ZNF526: variants seen among roughly 807,000 people sequenced by gnomAD.
ZNF526 encodes zinc finger protein 526.
In ZNF526, 16 loss-of-function variants were observed where a neutral mutation model predicts 32.4. That is an observed-to-expected ratio of 0.49 (90% confidence interval 0.33 to 0.75). The LOEUF (loss-of-function observed/expected upper bound fraction) is 0.75, where lower values mean the gene tolerates loss of function less well. Ranked by LOEUF, ZNF526 falls within the 30% of genes least tolerant of loss-of-function variation. ZNF526 has a pLI of 0.02. For missense variants in ZNF526, 838 were observed against 920.7 expected (o/e 0.91, Z 1.16); for synonymous variants, 355 against 363.4 (o/e 0.98, Z 0.26).
intron 1 of ZNF526, among the ~76,000 whole-genome samples, chr19:42,221,948 GCCA>G (rs2036128582): frequency 6.6e-6 from 1 of 152,120 alleles, no homozygotes. Flanking sequence ...GCAGATGTGA[GCCA>G]CCACACCTGG....
rs774110727 is a variant in ZNF526 at position 42,224,814 on chromosome 19, G to C, written c.411G>C (p.Gln137His). The C allele has an allele frequency of 9.9e-6, 16 of 1,613,936 alleles. No homozygotes were observed. The Admixed American group carries it at 2.7e-4, about 27-fold the overall frequency. ...CCCACCTCCGAGAGTCTGCAAACCA[G>C]ATCCAATACCAGTGCTGGGACTGCC... ...QDAHLRESANQIQYQCWDCQE... is the reference protein window; with the variant it reads ...QDAHLRESANHIQYQCWDCQE... Residue 137 changes from glutamine to histidine, a missense_variant, in exon 3 of 3, where the codon CAG becomes CAC. By Grantham distance (24) the Gln-to-His change is conservative. Coordinates refer to ENST00000301215, the MANE Select transcript of ZNF526 (RefSeq NM_133444.3).
In ZNF526 at chr19:42,226,415, G is replaced by A; in HGVS notation, c.2012G>A (p.Ter671=). ...GLLQLDTAFV[*] ...TTGCAGTTGGACACGGCCTTCGTGT[G>A]ACGCAGCTGAAAAGCAACAACAAAA... Residue 671 remains the stop codon, a stop_retained_variant, in exon 3 of 3, where the codon TGA becomes TAA. Coordinates refer to ENST00000301215, the MANE Select transcript of ZNF526 (RefSeq NM_133444.3). 33 of 1,614,216 alleles carry A rather than the reference G, an allele frequency of 2.0e-5. No homozygotes were observed. The highest frequency in any genetic ancestry group is 2.7e-5 in the Non-Finnish European group (32 of 1,180,046).
chr19:42,224,668 C>G lies in ZNF526; in HGVS notation c.265C>G (p.Leu89Val). Residue 89 changes from leucine to valine, a missense_variant, in exon 3 of 3, where the codon CTG (leucine) becomes GTG (valine). Coordinates refer to ENST00000301215, the MANE Select transcript of ZNF526 (RefSeq NM_133444.3). ...HMLAVSEEEA[L>V]TTQNVGLEPE... ...GCTTGCTGTCTCAGAGGAGGAGGCA[C>G]TGACCACACAGAATGTTGGCCTGGA... The G allele has an allele frequency of 6.2e-7, 1 of 1,614,188 alleles. No homozygotes were observed. Among genetic ancestry groups the G allele is most frequent in the Non-Finnish European group, 8.5e-7 (1 of 1,180,028 alleles).
At chr19:42,224,330 A>G in intron 2 of ZNF526, 25 bp downstream of exon 2, 1 of 1,326,628 alleles carries the variant, frequency 7.5e-7, no homozygotes, top group Admixed American at 1.7e-5. Flanking sequence ...GTGCAAGAGA[A>G]TTCCACCTCC....
chr19:42,226,647 G>C lies in ZNF526; in HGVS notation c.*231G>C. 1 of 658,948 alleles carries C rather than the reference G, an allele frequency of 1.5e-6. No individual in the cohort carries two copies. The highest frequency in any genetic ancestry group is 2.9e-5 in the East Asian group (1 of 35,072). 40.8% of individuals were successfully genotyped at this position (658,948 alleles called of 1,614,324 possible). On this transcript the variant is annotated 3_prime_UTR_variant, in exon 3 of 3. Transcript: ENST00000301215. ...CTGAAATGCGATGTGATCTGTACCAGGTCACCCAGCTATGCTGCAAAGTGG... is the reference window on the plus strand; with the variant it reads ...CTGAAATGCGATGTGATCTGTACCACGTCACCCAGCTATGCTGCAAAGTGG...
Position 42,226,460 on chromosome 19 carries a change from AGT to A in ZNF526, c.*48_*49del, listed in dbSNP as rs1303054643. 3 of 1,613,684 alleles carry A rather than the reference AGT, an allele frequency of 1.9e-6. No homozygotes were observed. Among genetic ancestry groups the A allele is most frequent in the African/African-American group, 1.3e-5 (1 of 75,062 alleles). On this transcript the variant is annotated 3_prime_UTR_variant, in exon 3 of 3. Transcript: ENST00000301215. Reference sequence around the variant, plus strand: ...ACAAAAGGGTTTGGTTGCAACAGCCAGTGTGGGTACCTCTGGGGAGAGAGGAC... The same window carrying A: ...ACAAAAGGGTTTGGTTGCAACAGCCAGTGGGTACCTCTGGGGAGAGAGGAC...
Position 42,226,466 on chromosome 19 carries a change from G to T in ZNF526, c.*50G>T. On this transcript the variant is annotated 3_prime_UTR_variant, in exon 3 of 3. Coordinates refer to ENST00000301215, the MANE Select transcript of ZNF526 (RefSeq NM_133444.3). ...GGGTTTGGTTGCAACAGCCAGTGTGGGTACCTCTGGGGAGAGAGGACCTCC... is the reference window on the plus strand; with the variant it reads ...GGGTTTGGTTGCAACAGCCAGTGTGTGTACCTCTGGGGAGAGAGGACCTCC... 6.2e-7 allele frequency: 1 copy of T among 1,612,862 alleles called. No homozygotes were observed. Among genetic ancestry groups the T allele is most frequent in the East Asian group, 2.2e-5 (1 of 44,880 alleles).
At position 42,225,620 on chromosome 19, in the gene ZNF526, G is replaced by A. The variant is rs1356476546; in HGVS notation, c.1217G>A (p.Arg406Gln). 7 of 1,611,750 alleles carry A rather than the reference G, an allele frequency of 4.3e-6. No homozygotes were observed. The highest frequency in any genetic ancestry group is 2.2e-5 in the South Asian group (2 of 90,988). Residue 406 changes from arginine (R) to glutamine (Q), a missense_variant, in exon 3 of 3, where the codon CGG (arginine) becomes CAG (glutamine). By Grantham distance (43) the Arg-to-Gln change is conservative (BLOSUM62 1). Transcript: ENST00000301215. Reference protein sequence around the residue: ...FSNMTKFLYHRRTHAGKSGAP... With the variant: ...FSNMTKFLYHQRTHAGKSGAP... Reference sequence around the variant, plus strand: ...AACATGACCAAGTTCCTCTACCACCGGCGCACTCACGCCGGCAAAAGCGGG... The same window carrying A: ...AACATGACCAAGTTCCTCTACCACCAGCGCACTCACGCCGGCAAAAGCGGG...
At chr19:42,221,380 C>A (rs2036121331) in intron 1 of ZNF526, among the ~76,000 whole-genome samples, 2 of 151,984 alleles carry the variant, frequency 1.3e-5, no homozygotes, top group African/African-American at 2.4e-5. Flanking sequence ...CACCTGTAAT[C>A]CCAGCACTTT....
Position 42,224,544 on chromosome 19 carries a change from C to T in ZNF526, c.141C>T (p.Ala47=), listed in dbSNP as rs1278395438. The change falls in exon 3 of 3, where the codon GCC becomes GCT. Residue 47 remains alanine (A), a synonymous_variant. Coordinates refer to ENST00000301215, the MANE Select transcript of ZNF526 (RefSeq NM_133444.3). The part of the protein sequence containing the change: ...VTEMTPGEAL[A]SSLFFQHHQF... The stretch of plus-strand genomic sequence containing the variant: ...AGATGACACCTGGGGAGGCCCTTGC[C>T]TCATCCCTCTTCTTCCAGCATCACC... 2.5e-6 allele frequency: 4 copies of T among 1,614,230 alleles called. No homozygotes were observed. The highest frequency in any genetic ancestry group is 3.4e-6 in the Non-Finnish European group (4 of 1,180,032).
Position 42,225,176 on chromosome 19 carries a change from G to T in ZNF526, c.773G>T (p.Gly258Val), listed in dbSNP as rs1346993653. 4.3e-6 allele frequency: 7 copies of T among 1,614,236 alleles called. No homozygotes were observed. The highest frequency in any genetic ancestry group is 5.9e-6 in the Non-Finnish European group (7 of 1,180,034). ...GATGAGGAGGCCATGGCAGAGGTCG[G>T]TGATGATGCTGTGGGAGGTGACGAG... ...MEDEEAMAEV[G>V]DDAVGGDEST... is the part of the protein sequence containing the mutation. Residue 258 changes from glycine to valine, a missense_variant, in exon 3 of 3, where the codon GGT becomes GTT. Transcript: ENST00000301215.
Position 42,225,391 on chromosome 19 carries a change from G to A in ZNF526, c.988G>A (p.Gly330Ser), listed in dbSNP as rs753331480. 5.6e-6 allele frequency: 9 copies of A among 1,613,996 alleles called. No homozygotes were observed. Among genetic ancestry groups the A allele is most frequent in the Non-Finnish European group, 7.6e-6 (9 of 1,180,032 alleles). ...LQAHGRAHVG[G>S]THECTTCSKV... is the part of the protein sequence containing the mutation. ...GGCTCATGGGCGGGCCCATGTTGGT[G>A]GCACACATGAGTGTACAACCTGCTC... The change falls in exon 3 of 3, where the codon GGC (glycine) becomes AGC (serine). Residue 330 changes from glycine (G) to serine (S), a missense_variant. Physicochemically the swap from Gly to Ser is moderately conservative, Grantham distance 56 (BLOSUM62 0). Coordinates refer to ENST00000301215, the MANE Select transcript of ZNF526 (RefSeq NM_133444.3).
Position 42,224,892 on chromosome 19 carries a change from C to T in ZNF526, c.489C>T (p.His163=). 1 of 1,614,194 alleles carries T rather than the reference C, an allele frequency of 6.2e-7. No individual in the cohort carries two copies. Among genetic ancestry groups the T allele is most frequent in the African/African-American group, 1.3e-5 (1 of 75,048 alleles). Residue 163 remains histidine (H), a synonymous_variant, in exon 3 of 3, where the codon CAC becomes CAT. Transcript: ENST00000301215. ...ELWVAHRKAQ[H]LSATVAEPPV... ...GGGTGGCTCATCGAAAGGCCCAGCA[C>T]CTTTCTGCTACGGTAGCTGAGCCAC...
Position 42,226,076 on chromosome 19 carries a change from G to T in ZNF526, c.1673G>T (p.Arg558Leu). Residue 558 changes from arginine (R) to leucine (L), a missense_variant, in exon 3 of 3, where the codon CGC (arginine) becomes CTC (leucine). Arg to Leu is a moderately radical substitution (Grantham distance 102). Coordinates refer to ENST00000301215, the MANE Select transcript of ZNF526 (RefSeq NM_133444.3). ...RLHLRPVAFA[R>L]APRLPITGLY... ...CACTTGCGGCCAGTCGCCTTTGCCC[G>T]CGCCCCCCGCCTCCCCATCACTGGT... The T allele has an allele frequency of 6.2e-7, 1 of 1,607,120 alleles. No homozygotes were observed. The highest frequency in any genetic ancestry group is 8.5e-7 in the Non-Finnish European group (1 of 1,179,998).
intron 1 of ZNF526, among the ~76,000 whole-genome samples, chr19:42,222,156 A>G: frequency 6.7e-6 from 1 of 148,982 alleles, no homozygotes; most frequent in East Asian, 2.0e-4. Flanking sequence ...GCGCAATCTC[A>G]GCTCACTGCA....
At position 42,227,234 on chromosome 19, in the gene ZNF526, TC is replaced by T. The variant is rs2036189805; in HGVS notation, c.*820del. ...GGTGGGAGATCAGGAGTTAAGGACT[TC>T]CTAGAGAAGGTAGTCCCTGAAGGAA... is the stretch of plus-strand genomic sequence containing the variant. On this transcript the variant is annotated 3_prime_UTR_variant, in exon 3 of 3. Transcript: ENST00000301215. 2 of 167,202 alleles carry T rather than the reference TC, an allele frequency of 1.2e-5. No homozygotes were observed. The highest frequency in any genetic ancestry group is 4.8e-5 in the African/African-American group (2 of 41,428). The allele number at this position is 167,202 out of a possible 1,614,324, so 10.4% of individuals were successfully genotyped here. A position where few individuals can be genotyped will look rare whatever the true frequency, so the allele number is the denominator to read the frequency against.
At position 42,226,192 on chromosome 19, in the gene ZNF526, C is replaced by G; in HGVS notation, c.1789C>G (p.Arg597Gly). 1.2e-6 allele frequency: 2 copies of G among 1,609,628 alleles called. No individual in the cohort carries two copies. The highest frequency in any genetic ancestry group is 1.7e-6 in the Non-Finnish European group (2 of 1,180,020). The change falls in exon 3 of 3, where the codon CGA becomes GGA. Residue 597 changes from arginine (R) to glycine (G), a missense_variant. Arg to Gly is a moderately radical substitution (Grantham distance 125). Transcript: ENST00000301215. ...GLRLHQRVHA[R>G]ARTLTLQPPR... ...GCGACTGCATCAGCGGGTCCATGCCCGAGCTCGGACTTTGACGCTACAGCC... is the reference window on the plus strand; with the variant it reads ...GCGACTGCATCAGCGGGTCCATGCCGGAGCTCGGACTTTGACGCTACAGCC...
At position 42,225,705 on chromosome 19, in the gene ZNF526, A is replaced by ACCCCCCTCC; in HGVS notation, c.1307_1308insCTCCCCCCC (p.Pro436_Ala437insSerProPro). ...CAGCGGAGCCCACCCCTCCACCACC[A>ACCCCCCTCC]CCCCCTGCCCCACCTGCCCAGCTGC... is the stretch of plus-strand genomic sequence containing the variant. On this transcript the variant is annotated inframe_insertion, in exon 3 of 3. Transcript: ENST00000301215. 1.9e-6 allele frequency: 1 copy of ACCCCCCTCC among 514,710 alleles called. No homozygotes were observed. Among genetic ancestry groups the ACCCCCCTCC allele is most frequent in the Admixed American group, 2.8e-5 (1 of 35,552 alleles). 31.9% of individuals were successfully genotyped at this position (514,710 alleles called of 1,614,324 possible).
Position 42,226,590 on chromosome 19 carries a change from C to A in ZNF526, c.*174C>A. The A allele has an allele frequency of 1.2e-6, 1 of 822,270 alleles. No individual in the cohort carries two copies. The allele number at this position is 822,270 out of a possible 1,614,324, so 50.9% of individuals were successfully genotyped here. On this transcript the variant is annotated 3_prime_UTR_variant, in exon 3 of 3. Coordinates refer to ENST00000301215, the MANE Select transcript of ZNF526 (RefSeq NM_133444.3). Reference sequence around the variant, plus strand: ...AACAACCCTTCCAGGCTTCTCTTGTCATCTTTCTCTGCCTGAGGGGAAACT... The same window carrying A: ...AACAACCCTTCCAGGCTTCTCTTGTAATCTTTCTCTGCCTGAGGGGAAACT...
Sources: allele counts gnomAD v4.1 joint callset (sites outside exome capture counted in the v4.1 genomes callset), GRCh38; gene constraint gnomAD v4.1.1; transcripts MANE v1.5; gene names NCBI Gene and HGNC (gene_info 2026-07-23, HGNC 2026-07-21).